The following MALRD1 variants were observed in gnomAD, a reference collection of about 807,000 sequenced individuals.
The protein encoded by MALRD1 is MAM and LDL receptor class A domain containing 1.
Under a neutral mutation model 242.1 loss-of-function variants are expected in MALRD1, and 247 were observed. The ratio of observed to expected loss-of-function variants is 1.02; its 90% CI spans 0.92 to 1.13. MALRD1 has a LOEUF of 1.13. Among genes scored for constraint, MALRD1 ranks in the 50% most tolerant of loss-of-function variants. The probability of loss-of-function intolerance (pLI) is 0.00; values close to 1 mark genes in which losing one functional copy is unlikely to be tolerated. For synonymous variants in MALRD1, 995 were observed against 866.6 expected, an observed-to-expected ratio of 1.15 and a Z score of -2.60; for missense variants, 2,989 against 2,533.1, an observed-to-expected ratio of 1.18 and a Z score of -3.86.
intron 36 of MALRD1, among the ~76,000 whole-genome samples, chr10:19,647,109 ACT>A (rs1840694850): frequency 6.6e-6 from 1 of 152,212 alleles, no homozygotes; most frequent in Non-Finnish European, 1.5e-5. Context: ...AAACGAATGC[ACT>A]TCCCTGGAGA....
chr10:19,511,079 T>C (rs1356638784), intron 31 of MALRD1, among the ~76,000 whole-genome samples: 1 of 152,232 alleles, frequency 6.6e-6, no homozygotes, highest in East Asian at 1.9e-4. Context: ...CAGTTAGTAT[T>C]TGAGACTGAT....
intron 35 of MALRD1, among the ~76,000 whole-genome samples, chr10:19,610,115 G>A (rs146886978): frequency 9.2e-5 from 14 of 151,862 alleles, no homozygotes; most frequent in Admixed American, 2.0e-4. Flanking sequence ...ATAATTATAC[G>A]TATTTATGAG....
At chr10:19,435,917 C>A (rs551827654) in intron 28 of MALRD1, among the ~76,000 whole-genome samples, 80 of 152,156 alleles carry the variant, frequency 5.3e-4, no homozygotes, top group African/African-American at 1.9e-3. Context: ...TTTATTCAAC[C>A]ATTTATTTAT....
At chr10:19,684,532 A>G (rs736241) in intron 36 of MALRD1, among the ~76,000 whole-genome samples, 142,285 of 152,268 alleles carry the variant, frequency 0.93, 66,572 homozygotes, top group East Asian at 0.98. Flanking sequence ...GGGGCAGATG[A>G]ACCACTTGAG....
At chr10:19,196,153 C>A (rs1439455930) in intron 14 of MALRD1, among the ~76,000 whole-genome samples, 1 of 152,180 alleles carries the variant, frequency 6.6e-6, no homozygotes, top group African/African-American at 2.4e-5. Context: ...GAAAGTTCTT[C>A]TGTCTACCAG....
At chr10:19,396,525 T>C (rs1249107307) in intron 28 of MALRD1, among the ~76,000 whole-genome samples, 1 of 152,204 alleles carries the variant, frequency 6.6e-6, no homozygotes, top group Non-Finnish European at 1.5e-5. Flanking sequence ...CTTTGTTTTC[T>C]AATTTTACAG....
At position 19,088,025 on chromosome 10, in the gene MALRD1, T is replaced by C; in HGVS notation, c.437T>C (p.Ile146Thr). 2 of 1,233,488 alleles carry C rather than the reference T, an allele frequency of 1.6e-6. No homozygotes were observed. The highest frequency in any genetic ancestry group is 1.0e-6 in the Non-Finnish European group (1 of 987,854). 76.4% of individuals were successfully genotyped at this position (1,233,488 alleles called of 1,614,324 possible). A position where few individuals can be genotyped will look rare whatever the true frequency, so the allele number is the denominator to read the frequency against. Residue 146 changes from isoleucine (I) to threonine (T), a missense_variant and splice_region_variant, in exon 4 of 40, where the codon ATT becomes ACT. By Grantham distance (89) the Ile-to-Thr change is moderately conservative. Transcript: ENST00000454679. ...LPTNDQHDCQ[I>T]TFYYFSCQVS... ...TTGGGTACTAATTGTCTTTCACAGA[T>C]TACATTTTATTACTTCTCCTGCCAA... is the stretch of plus-strand genomic sequence containing the variant.
In MALRD1 at chr10:19,352,214, C is replaced by A. The variant is rs1469419540; in HGVS notation, c.4358C>A (p.Ala1453Glu). The change falls in exon 26 of 40, where the codon GCA becomes GAA. Residue 1453 changes from alanine to glutamate, a missense_variant. Transcript: ENST00000454679. ...RVGKGQRGDI[A>E]LDDIVLTENC... ...GGGAAAGGTCAGCGTGGAGACATTG[C>A]ACTTGATGACATTGTGCTTACAGAA... The A allele has an allele frequency of 1.3e-6, 2 of 1,550,262 alleles. No individual in the cohort carries two copies. The highest frequency in any genetic ancestry group is 1.7e-6 in the Non-Finnish European group (2 of 1,146,896).
intron 31 of MALRD1, among the ~76,000 whole-genome samples, chr10:19,526,365 A>ATACAT (rs10695324): frequency 1.1e-3 from 165 of 149,014 alleles, no homozygotes; most frequent in East Asian, 2.6e-3. Context: ...CCAAAAAAAA[A>ATACAT]ATACATATAT....
At chr10:19,657,932 G>C (rs1841240469) in intron 36 of MALRD1, among the ~76,000 whole-genome samples, 1 of 152,156 alleles carries the variant, frequency 6.6e-6, no homozygotes, top group Admixed American at 6.5e-5. Context: ...TGGATCACCT[G>C]AGGTTGGGAG....
chr10:19,335,789 A>G (rs942694503), intron 24 of MALRD1, among the ~76,000 whole-genome samples: 2 of 152,092 alleles, frequency 1.3e-5, no homozygotes, highest in East Asian at 3.9e-4. Flanking sequence ...GATATAAAAC[A>G]TTTCATGGAG....
intron 33 of MALRD1, among the ~76,000 whole-genome samples, chr10:19,578,793 C>G (rs978151172): frequency 2.0e-5 from 3 of 151,934 alleles, no homozygotes; most frequent in Non-Finnish European, 4.4e-5. Flanking sequence ...CCCTTCCTTC[C>G]TCTTCTGATG....
intron 13 of MALRD1, among the ~76,000 whole-genome samples, chr10:19,171,258 A>C (rs1205421002): frequency 1.3e-5 from 2 of 151,532 alleles, no homozygotes; most frequent in Non-Finnish European, 2.9e-5. Context: ...TCAATTTAAA[A>C]TGTAAATTAT....
chr10:19,068,507 C>G (rs1368473142), intron 2 of MALRD1, among the ~76,000 whole-genome samples: 1 of 152,028 alleles, frequency 6.6e-6, no homozygotes, highest in Non-Finnish European at 1.5e-5. Context: ...GTTTCCTTAT[C>G]TGTAAAACAG....
At position 19,200,645 on chromosome 10, in the gene MALRD1, G is replaced by GTTTTTTTTT. The variant is rs71387053; in HGVS notation, c.1952-3065_1952-3057dup. On this transcript the variant is annotated intron_variant, in intron 14 of 39. Coordinates refer to ENST00000454679, the MANE Select transcript of MALRD1 (RefSeq NM_001142308.3). ...TTTTTTTTCTCCCTCCCTGCTTGAG[G>GTTTTTTTTT]TTTTTTTTTTTTTTTTTTTTTTTTT... Among the ~76,000 whole-genome samples the GTTTTTTTTT allele has an allele frequency of 1.0e-4, 7 of 69,446 alleles. No homozygotes were observed. In the East Asian group the frequency reaches 2.8e-3, roughly 28 times the overall value. The allele number at this position is 69,446 out of a possible 152,430, so 45.6% of individuals were successfully genotyped here. A position where few individuals can be genotyped will look rare whatever the true frequency, so the allele number is the denominator to read the frequency against.
At chr10:19,200,041 C>T (rs529694738) in intron 14 of MALRD1, among the ~76,000 whole-genome samples, 7 of 152,146 alleles carry the variant, frequency 4.6e-5, no homozygotes, top group South Asian at 2.1e-4. Context: ...AGTCGGAGAA[C>T]GGCCTGAGCC....
chr10:19,542,119 C>T (rs1306957083), intron 32 of MALRD1, among the ~76,000 whole-genome samples: 1 of 152,072 alleles, frequency 6.6e-6, no homozygotes, highest in Non-Finnish European at 1.5e-5. Flanking sequence ...AGTTTTAAGA[C>T]AGAGGCATGG....
chr10:19,562,293 T>TTAGGTAGG (rs1554800891), intron 32 of MALRD1, among the ~76,000 whole-genome samples: 3 of 116,758 alleles, frequency 2.6e-5, no homozygotes, highest in African/African-American at 9.4e-5. Flanking sequence ...AGATGCTGTC[T>TTAGGTAGG]TAGGTAGATA....
At chr10:19,142,117 A>T (rs1833565293) in intron 10 of MALRD1, among the ~76,000 whole-genome samples, 1 of 141,428 alleles carries the variant, frequency 7.1e-6, no homozygotes, top group Non-Finnish European at 1.5e-5. Context: ...GCTTGCAGTG[A>T]GCCAAGATTG....
Sources: gnomAD v4.1 joint callset for allele counts (sites outside exome capture counted in the v4.1 genomes callset) on GRCh38, gnomAD v4.1.1 for gene constraint, MANE v1.5 for transcripts, NCBI Gene and HGNC (gene_info 2026-07-23, HGNC 2026-07-21) for gene names.